KIAA1217: variants seen among roughly 807,000 people sequenced by gnomAD.
KIAA1217 encodes sickle tail protein homolog.
In KIAA1217, 88 loss-of-function variants were observed where a neutral mutation model predicts 163.9. That is an observed-to-expected ratio of 0.54 (90% CI 0.45 to 0.64). KIAA1217 has a LOEUF of 0.64. KIAA1217 is among the 30% of genes least tolerant of loss of function. KIAA1217 has a pLI of 0.00. For synonymous variants in KIAA1217, 903 were observed against 923.1 expected (o/e 0.98, Z 0.39); for missense variants, 2,372 against 2,475.0 (o/e 0.96, Z 0.88).
intron 1 of KIAA1217, among the ~76,000 whole-genome samples, chr10:23,764,947 T>C (rs1369274437): frequency 6.6e-6 from 1 of 152,162 alleles, no homozygotes; most frequent in Non-Finnish European, 1.5e-5. Context: ...GTCTGTTGTT[T>C]CATGTTGCTA....
intron 2 of KIAA1217, among the ~76,000 whole-genome samples, chr10:24,362,906 G>T (rs2050213591): frequency 6.6e-6 from 1 of 151,646 alleles, no homozygotes; most frequent in Non-Finnish European, 1.5e-5. Flanking sequence ...CTCCAGCCTG[G>T]GTGACAGAGT....
Position 24,052,039 on chromosome 10 carries a change from A to G in KIAA1217, c.-171+44665A>G, listed in dbSNP as rs562325392. On this transcript the variant is annotated intron_variant, in intron 2 of 18. Transcript: ENST00000376462. ...ATGAACTCTACCTAAGCCAATTGGC[A>G]TGGCTTCTTATTAACCTCTGATATA... Among the ~76,000 whole-genome samples the G allele has an allele frequency of 1.4e-4, 21 of 152,208 alleles. No individual in the cohort carries two copies. In the South Asian group the frequency reaches 2.7e-3, roughly 20 times the overall value.
intron 2 of KIAA1217, among the ~76,000 whole-genome samples, chr10:24,040,199 C>G (rs1030288783): frequency 6.6e-6 from 1 of 152,198 alleles, no homozygotes; most frequent in Non-Finnish European, 1.5e-5. Flanking sequence ...AGGGTCCAAG[C>G]TATGTCACTG....
intron 1 of KIAA1217, among the ~76,000 whole-genome samples, chr10:23,857,242 A>G (rs1441849890): frequency 6.6e-6 from 1 of 152,212 alleles, no homozygotes; most frequent in Non-Finnish European, 1.5e-5. Context: ...CTGACTTGAG[A>G]TAGACTTCAG....
chr10:23,834,375 T>A (rs1409689974), intron 1 of KIAA1217, among the ~76,000 whole-genome samples: 1 of 152,184 alleles, frequency 6.6e-6, no homozygotes, highest in Non-Finnish European at 1.5e-5. Flanking sequence ...CAGCACCCAA[T>A]GTCAGGTTTA....
At chr10:24,011,630 T>C (rs1847239226) in intron 2 of KIAA1217, among the ~76,000 whole-genome samples, 4 of 152,322 alleles carry the variant, frequency 2.6e-5, no homozygotes, top group South Asian at 4.1e-4. Context: ...TGAGTTTCTC[T>C]TGAAGCAAAA....
intron 1 of KIAA1217, among the ~76,000 whole-genome samples, chr10:24,003,464 A>C (rs1163638388): frequency 6.6e-6 from 1 of 152,050 alleles, no homozygotes; most frequent in Non-Finnish European, 1.5e-5. Context: ...CCTTCTTTTG[A>C]GAATTGTCTG....
chr10:24,233,410 T>G (rs1046113581), intron 2 of KIAA1217, among the ~76,000 whole-genome samples: 5 of 152,154 alleles, frequency 3.3e-5, no homozygotes, highest in Non-Finnish European at 5.9e-5. Context: ...TTAGGCCCCT[T>G]CAACTTTGGG....
At chr10:23,992,262 C>T (rs1589198892) in intron 1 of KIAA1217, among the ~76,000 whole-genome samples, 1 of 152,162 alleles carries the variant, frequency 6.6e-6, no homozygotes, top group Non-Finnish European at 1.5e-5. Flanking sequence ...GAAAAACTCA[C>T]TAAGTGAAGA....
At chr10:24,519,857 C>G (rs949402533) in intron 10 of KIAA1217, among the ~76,000 whole-genome samples, 1 of 152,134 alleles carries the variant, frequency 6.6e-6, no homozygotes, top group Non-Finnish European at 1.5e-5. Context: ...AGACTCGGTC[C>G]TCTGTTAGCC....
At chr10:24,128,430 C>A (rs1192425571) in intron 2 of KIAA1217, among the ~76,000 whole-genome samples, 1 of 152,152 alleles carries the variant, frequency 6.6e-6, no homozygotes, top group Non-Finnish European at 1.5e-5. Context: ...ATCAGCAAAG[C>A]TAATGAAAAT....
At chr10:24,243,411 C>T (rs1042129476) in intron 2 of KIAA1217, among the ~76,000 whole-genome samples, 32 of 152,002 alleles carry the variant, frequency 2.1e-4, no homozygotes, top group South Asian at 2.1e-4. Flanking sequence ...AACCCTCACC[C>T]CCTTCCCACC....
chr10:23,997,747 C>G (rs1300832651), intron 1 of KIAA1217, among the ~76,000 whole-genome samples: 1 of 152,164 alleles, frequency 6.6e-6, no homozygotes, highest in South Asian at 2.1e-4. Context: ...GAATTAAAGG[C>G]TTCAGGCATC....
intron 9 of KIAA1217, among the ~76,000 whole-genome samples, chr10:24,504,034 CTT>C (rs2134040152): frequency 1.3e-5 from 2 of 152,316 alleles, no homozygotes; most frequent in South Asian, 4.1e-4. Context: ...CCAAGGCTCT[CTT>C]GATGTCTGTA....
intron 1 of KIAA1217, among the ~76,000 whole-genome samples, chr10:23,711,354 G>T (rs925645359): frequency 2.0e-5 from 3 of 152,030 alleles, no homozygotes; most frequent in Non-Finnish European, 4.4e-5. Context: ...TAATCACAAG[G>T]GTCCTTACAA....
At chr10:24,118,264 A>G (rs1175271869) in intron 2 of KIAA1217, among the ~76,000 whole-genome samples, 1 of 152,036 alleles carries the variant, frequency 6.6e-6, no homozygotes, top group Admixed American at 6.6e-5. Context: ...AATAGGGGTG[A>G]TGACAAACAG....
chr10:24,052,572 C>T (rs1405202166), intron 2 of KIAA1217, among the ~76,000 whole-genome samples: 2 of 133,304 alleles, frequency 1.5e-5, no homozygotes, highest in African/African-American at 5.6e-5. Context: ...CATTTAATTT[C>T]CTTGTATTCA....
intron 1 of KIAA1217, among the ~76,000 whole-genome samples, chr10:23,706,485 G>A (rs956164302): frequency 6.6e-6 from 1 of 151,956 alleles, no homozygotes. Flanking sequence ...TCATGAAATG[G>A]TATTGGATTT....
At position 24,070,801 on chromosome 10, in the gene KIAA1217, CTATT is replaced by C. The variant is rs200709121; in HGVS notation, c.-171+63430_-171+63433del. Among the ~76,000 whole-genome samples, 1,495 of 152,104 alleles carry C rather than the reference CTATT, an allele frequency of 9.8e-3. 31 individuals are homozygous for C. The highest frequency in any genetic ancestry group is 0.035 in the African/African-American group (1,442 of 41,494). On this transcript the variant is annotated intron_variant, in intron 2 of 18. Transcript: ENST00000376462. ...GGAAAGGTTGCGAAAAGGGGAAAAA[CTATT>C]TAGAGAACACTATGCAAATGGACAG...
Sources: allele counts gnomAD v4.1 joint callset (sites outside exome capture counted in the v4.1 genomes callset), GRCh38; gene constraint gnomAD v4.1.1; transcripts MANE v1.5; gene names NCBI Gene and HGNC (gene_info 2026-07-23, HGNC 2026-07-21).